The following TSHZ1 variants were observed in gnomAD, a reference collection of about 807,000 sequenced individuals.
The protein encoded by TSHZ1 is teashirt zinc finger homeobox 1, also known as teashirt homolog 1.
A neutral mutation model predicts 67.1 loss-of-function variants in TSHZ1; 12 were observed. The ratio of observed to expected loss-of-function variants is 0.18; its 90% CI spans 0.11 to 0.29. The LOEUF (loss-of-function observed/expected upper bound fraction) is 0.29, where lower values mean the gene tolerates loss of function less well. TSHZ1 is among the 10% of genes least tolerant of loss of function. The pLI, the probability that TSHZ1 is intolerant of heterozygous loss-of-function variation, is 1.00. For synonymous variants in TSHZ1, 632 were observed against 622.4 expected, an observed-to-expected ratio of 1.02 and a Z score of -0.23; for missense variants, 1,305 against 1,413.9, an observed-to-expected ratio of 0.92 and a Z score of 1.23.
chr18:75,226,736 CAT>C (rs900941880), intron 1 of TSHZ1, among the ~76,000 whole-genome samples: 2 of 152,154 alleles, frequency 1.3e-5, no homozygotes, highest in Non-Finnish European at 2.9e-5. Flanking sequence ...GACAGAATGA[CAT>C]GTGTCATTTA....
At position 75,287,792 on chromosome 18, in the gene TSHZ1, C is replaced by G. The variant is rs756846731; in HGVS notation, c.2385C>G (p.Ala795=). The G allele has an allele frequency of 3.1e-6, 5 of 1,614,154 alleles. No homozygotes were observed. Among genetic ancestry groups the G allele is most frequent in the Non-Finnish European group, 4.2e-6 (5 of 1,180,044 alleles). Residue 795 remains alanine (A), a synonymous_variant, in exon 2 of 2, where the codon GCC becomes GCG. Transcript: ENST00000580243. The surrounding 1 kb of genome is among the most constrained non-coding windows in gnomAD (Gnocchi z 5.0). ...ACCCCGCCACCCCTGTGAAGCAGGC[C>G]GATGCCATCGACCGCTACTATTATG... The part of the protein sequence containing the change: ...PVYPATPVKQ[A]DAIDRYYYEN...
chr18:75,238,370 G>A lies in TSHZ1; in HGVS notation c.40+26454G>A, dbSNP rs1183227675. Among the ~76,000 whole-genome samples, 6 of 152,192 alleles carry A rather than the reference G, an allele frequency of 3.9e-5. No homozygotes were observed. The East Asian group carries it at 1.2e-3, about 29-fold the overall frequency. ...AGTAGAGTCGTCGTAGGCAGCTCCT[G>A]TAGCCACCTGTGCGGGGTACGTTGG... On this transcript the variant is annotated intron_variant, in intron 1 of 1. Transcript: ENST00000580243.
intron 1 of TSHZ1, among the ~76,000 whole-genome samples, chr18:75,247,379 T>A (rs1234412681): frequency 6.6e-6 from 1 of 152,198 alleles, no homozygotes; most frequent in South Asian, 2.1e-4. Context: ...GCCCTTGGTT[T>A]TAAATATGCC....
chr18:75,287,447 C>T lies in TSHZ1; in HGVS notation c.2040C>T (p.Phe680=). 6.2e-7 allele frequency: 1 copy of T among 1,614,192 alleles called. No individual in the cohort carries two copies. The highest frequency in any genetic ancestry group is 1.7e-5 in the Admixed American group (1 of 60,026). The part of the protein sequence containing the change: ...ASPIAKENKD[F]PKTEEVSGKP... ...CCATAGCAAAAGAGAATAAAGATTT[C>T]CCGAAAACGGAGGAAGTCAGCGGCA... The change falls in exon 2 of 2, where the codon TTC becomes TTT. Residue 680 remains phenylalanine, a synonymous_variant. Transcript: ENST00000580243. This position sits in a 1 kb window ranked among gnomAD's most constrained non-coding sequence, Gnocchi z 5.0.
intron 1 of TSHZ1, among the ~76,000 whole-genome samples, chr18:75,266,368 A>G (rs945974705): frequency 2.0e-5 from 3 of 152,232 alleles, no homozygotes; most frequent in Non-Finnish European, 4.4e-5. Flanking sequence ...AGTAAAAACA[A>G]GAATTCACAG....
At chr18:75,226,680 C>T (rs531123863) in intron 1 of TSHZ1, among the ~76,000 whole-genome samples, 39 of 152,034 alleles carry the variant, frequency 2.6e-4, no homozygotes, top group African/African-American at 8.2e-4. Flanking sequence ...TTCCTTTTCC[C>T]TGGAGCCATG....
intron 1 of TSHZ1, among the ~76,000 whole-genome samples, chr18:75,243,616 G>A (rs1308928638): frequency 1.3e-5 from 2 of 152,170 alleles, no homozygotes; most frequent in Non-Finnish European, 2.9e-5. Context: ...ATTGTAAGCA[G>A]CAGTTGGAAA....
chr18:75,287,940 A>G lies in TSHZ1; in HGVS notation c.2533A>G (p.Lys845Glu), dbSNP rs1383912273. ...ACTCATGGACATCTCCGACATGGTG[A>G]AAAACCTCACAGGCCGCCTGACGCC... ...SALMDISDMV[K>E]NLTGRLTPKS... is the part of the protein sequence containing the mutation. The change falls in exon 2 of 2, where the codon AAA becomes GAA. Residue 845 changes from lysine to glutamate, a missense_variant. Lys to Glu is a moderately conservative substitution (Grantham distance 56, BLOSUM62 1). Around this residue, in one of 3 missense-constraint regions of TSHZ1, gnomAD observed 909 missense variants for 961.8 expected, o/e 0.95. Coordinates refer to ENST00000580243, the MANE Select transcript of TSHZ1 (RefSeq NM_001308210.2). The surrounding 1 kb of genome is among the most constrained non-coding windows in gnomAD (Gnocchi z 5.0). 2 of 1,614,188 alleles carry G rather than the reference A, an allele frequency of 1.2e-6. No homozygotes were observed. The highest frequency in any genetic ancestry group is 1.7e-6 in the Non-Finnish European group (2 of 1,180,044).
chr18:75,223,454 G>A (rs1357498808), intron 1 of TSHZ1, among the ~76,000 whole-genome samples: 1 of 152,116 alleles, frequency 6.6e-6, no homozygotes, highest in Non-Finnish European at 1.5e-5. Context: ...ATTTTAGAGA[G>A]AGGGAGTTGC....
At chr18:75,213,771 A>C (rs903866356) in intron 1 of TSHZ1, among the ~76,000 whole-genome samples, 1 of 152,190 alleles carries the variant, frequency 6.6e-6, no homozygotes, top group African/African-American at 2.4e-5. Context: ...TGACAGGCAC[A>C]TATATCATTG....
chr18:75,251,492 G>GATT (rs1365105251), intron 1 of TSHZ1, among the ~76,000 whole-genome samples: 1 of 63,192 alleles, frequency 1.6e-5, no homozygotes. Context: ...CTTTCTTTAG[G>GATT]GTTTTTTTTT....
intron 1 of TSHZ1, among the ~76,000 whole-genome samples, chr18:75,246,289 G>A (rs1482735890): frequency 6.6e-6 from 1 of 152,178 alleles, no homozygotes; most frequent in Non-Finnish European, 1.5e-5. Flanking sequence ...GCAAAGGTGA[G>A]GAAGTCCTGT....
chr18:75,254,153 A>G (rs185854686), intron 1 of TSHZ1, among the ~76,000 whole-genome samples: 102 of 152,298 alleles, frequency 6.7e-4, no homozygotes, highest in African/African-American at 2.2e-3. Flanking sequence ...TTGGCTTGCT[A>G]TTCGAGTACA....
chr18:75,257,078 T>C (rs1379787941), intron 1 of TSHZ1, among the ~76,000 whole-genome samples: 1 of 152,246 alleles, frequency 6.6e-6, no homozygotes, highest in Non-Finnish European at 1.5e-5. Context: ...CCCTACTCTA[T>C]CTGCATCGCT....
At position 75,210,894 on chromosome 18, in the gene TSHZ1, TGAG is replaced by T. The variant is rs886054104; in HGVS notation, c.-981_-979del. On this transcript the variant is annotated 5_prime_UTR_variant, in exon 1 of 2. Transcript: ENST00000580243. ...TGCATCTCCCTCTCTCCCAGGAGTT[TGAG>T]GGGGGGGGGGACAGTCCACGCTCAT... 336 of 88,502 alleles carry T rather than the reference TGAG, an allele frequency of 3.8e-3. 3 individuals are homozygous for T. The highest frequency in any genetic ancestry group is 0.011 in the African/African-American group (239 of 21,242). 5.5% of individuals were successfully genotyped at this position (88,502 alleles called of 1,614,324 possible).
intron 1 of TSHZ1, among the ~76,000 whole-genome samples, chr18:75,268,983 G>C (rs2023525314): frequency 6.6e-6 from 1 of 152,144 alleles, no homozygotes; most frequent in South Asian, 2.1e-4. Context: ...TTCAGAACTT[G>C]GGAAGAACTG....
intron 1 of TSHZ1, among the ~76,000 whole-genome samples, chr18:75,278,093 G>A (rs1374479934): frequency 3.3e-5 from 5 of 152,142 alleles, no homozygotes; most frequent in African/African-American, 4.8e-5. Context: ...CAATGGCCAC[G>A]TTAGTGTAAG....
intron 1 of TSHZ1, among the ~76,000 whole-genome samples, chr18:75,231,904 T>C (rs2023004173): frequency 7.2e-6 from 1 of 138,942 alleles, no homozygotes; most frequent in Non-Finnish European, 1.6e-5. Flanking sequence ...TAAGTGCATG[T>C]GATGCCTTAT....
intron 1 of TSHZ1, among the ~76,000 whole-genome samples, chr18:75,220,708 T>C (rs1599024624): frequency 6.6e-6 from 1 of 152,330 alleles, no homozygotes; most frequent in African/African-American, 2.4e-5. Context: ...TTTAACCTTT[T>C]CATGTTTTCC....
Sources: allele counts gnomAD v4.1 joint callset (sites outside exome capture counted in the v4.1 genomes callset), GRCh38; gene constraint gnomAD v4.1.1; regional missense constraint gnomAD v4.1.1; non-coding constraint Gnocchi (gnomAD v3.1); transcripts MANE v1.5; gene names NCBI Gene and HGNC (gene_info 2026-07-23, HGNC 2026-07-21).